The following PCDHGA1 variants were observed in gnomAD, a reference collection of about 807,000 sequenced individuals.
The protein encoded by PCDHGA1 is protocadherin gamma subfamily A, 1.
PCDHGA1 carries 32 observed loss-of-function variants against 58.0 expected under a neutral mutation model. The ratio of observed to expected loss-of-function variants is 0.55; its 90% CI spans 0.42 to 0.74. The LOEUF is 0.74. Among genes scored for constraint, PCDHGA1 ranks in the 30% least tolerant of loss-of-function variants. PCDHGA1 has a pLI of 0.00. For missense variants in PCDHGA1, 1,205 were observed against 1,182.3 expected, an observed-to-expected ratio of 1.02 and a Z score of -0.28; for synonymous variants, 498 against 501.1, an observed-to-expected ratio of 0.99 and a Z score of 0.08.
intron 1 of PCDHGA1, among the ~76,000 whole-genome samples, chr5:141,354,170 CTA>C (rs1759484226): frequency 6.6e-6 from 1 of 152,180 alleles, no homozygotes; most frequent in African/African-American, 2.4e-5. Context: ...AATCACTAAA[CTA>C]TTATCTGCAC....
chr5:141,393,844 G>A (rs1158027980), intron 1 of PCDHGA1: 1 of 1,613,966 alleles, frequency 6.2e-7, no homozygotes, highest in Admixed American at 1.7e-5. Flanking sequence ...AATGACAATA[G>A]ACCAGAAGTG....
chr5:141,474,608 T>C (rs1469173973), intron 1 of PCDHGA1, among the ~76,000 whole-genome samples: 1 of 152,268 alleles, frequency 6.6e-6, no homozygotes, highest in Non-Finnish European at 1.5e-5. Flanking sequence ...AGGTCACATA[T>C]GGCTTTTCAT....
intron 1 of PCDHGA1, chr5:141,375,764 G>C (rs746447899): frequency 1.9e-6 from 3 of 1,614,234 alleles, no homozygotes; most frequent in Non-Finnish European, 1.7e-6. Flanking sequence ...CAATGCGCCC[G>C]AGATCCTGTA....
chr5:141,414,517 G>C, intron 1 of PCDHGA1: 1 of 1,613,964 alleles, frequency 6.2e-7, no homozygotes, highest in South Asian at 1.1e-5. Context: ...ACAAGTGGCA[G>C]ATATCAATGA....
In PCDHGA1 at chr5:141,431,028, T is replaced by C. The variant is rs367575636; in HGVS notation, c.2422-63779T>C. On this transcript the variant is annotated intron_variant, in intron 1 of 3. Transcript: ENST00000517417. This position sits in a 1 kb window ranked among gnomAD's most constrained non-coding sequence, Gnocchi z 4.8. ...GGCAGCTTGGTCACGGCGGGCAGGA[T>C]AGACCGGGAGGAGCTCTGTATGGGG... The C allele has an allele frequency of 6.2e-7, 1 of 1,613,986 alleles. No homozygotes were observed. Among genetic ancestry groups the C allele is most frequent in the Admixed American group, 1.7e-5 (1 of 60,022 alleles).
At chr5:141,385,135 G>T (rs948872903) in intron 1 of PCDHGA1, 7 of 1,614,214 alleles carry the variant, frequency 4.3e-6, no homozygotes, top group African/African-American at 2.7e-5. Context: ...CATGGACGGG[G>T]TGCAGGCTTT....
At chr5:141,393,602 T>G in intron 1 of PCDHGA1, 1 of 1,613,892 alleles carries the variant, frequency 6.2e-7, no homozygotes, top group Non-Finnish European at 8.5e-7. Context: ...GGCTGCTTAC[T>G]GTAACAGCCA....
intron 1 of PCDHGA1, chr5:141,394,519 C>T: frequency 6.2e-7 from 1 of 1,614,240 alleles, no homozygotes; most frequent in Non-Finnish European, 8.5e-7. Flanking sequence ...GCCCTCCCCA[C>T]AGACGGTTCC....
rs1225473275 is a variant in PCDHGA1 at position 141,512,442 on chromosome 5, TC to T, written c.*1271del. ...GGCCCCTGCCCTCCTGAAGCCTCAG[TC>T]CTTCACCTTGCCAGGTGCCGTTTCT... is the stretch of plus-strand genomic sequence containing the variant. On this transcript the variant is annotated 3_prime_UTR_variant, in exon 4 of 4. Transcript: ENST00000517417. 1 of 152,892 alleles carries T rather than the reference TC, an allele frequency of 6.5e-6. No individual in the cohort carries two copies. Among genetic ancestry groups the T allele is most frequent in the African/African-American group, 2.4e-5 (1 of 41,466 alleles). 9.5% of individuals were successfully genotyped at this position (152,892 alleles called of 1,614,324 possible).
intron 1 of PCDHGA1, among the ~76,000 whole-genome samples, chr5:141,474,082 C>CA (rs1449032579): frequency 1.3e-5 from 2 of 152,064 alleles, no homozygotes; most frequent in African/African-American, 4.8e-5. Context: ...AAACAAAAAC[C>CA]AAAAAACAAA....
chr5:141,350,641 A>G (rs750953545), intron 1 of PCDHGA1: 1 of 1,614,024 alleles, frequency 6.2e-7, no homozygotes, highest in Non-Finnish European at 8.5e-7. Flanking sequence ...ATGACAATGC[A>G]CCACGTTTCG....
chr5:141,332,075 A>G lies in PCDHGA1; in HGVS notation c.1391A>G (p.Asn464Ser), dbSNP rs1756387670. ...QDSYSAYIPE[N>S]NPRGASIFSV... Reference sequence around the variant, plus strand: ...TCCTACTCTGCCTACATTCCCGAAAACAACCCCAGAGGAGCCTCCATCTTC... The same window carrying G: ...TCCTACTCTGCCTACATTCCCGAAAGCAACCCCAGAGGAGCCTCCATCTTC... Residue 464 changes from asparagine to serine, a missense_variant, in exon 1 of 4, where the codon AAC becomes AGC. Coordinates refer to ENST00000517417, the MANE Select transcript of PCDHGA1 (RefSeq NM_018912.3). This position sits in a 1 kb window ranked among gnomAD's most constrained non-coding sequence, Gnocchi z 4.6. 6.2e-7 allele frequency: 1 copy of G among 1,614,052 alleles called. No individual in the cohort carries two copies.
intron 1 of PCDHGA1, chr5:141,408,333 G>T (rs746692686): frequency 3.7e-6 from 6 of 1,613,924 alleles, no homozygotes; most frequent in Admixed American, 3.3e-5. Flanking sequence ...CTGGCCAAGG[G>T]CTCGGTGGTG....
intron 1 of PCDHGA1, chr5:141,419,863 G>T (rs1416582920): frequency 6.2e-7 from 1 of 1,614,108 alleles, no homozygotes; most frequent in Non-Finnish European, 8.5e-7. Flanking sequence ...CAGATAGCTT[G>T]CAAGAGGTAC....
At position 141,478,334 on chromosome 5, in the gene PCDHGA1, C is replaced by T. The variant is rs1303200872; in HGVS notation, c.2422-16473C>T. 2.5e-6 allele frequency: 4 copies of T among 1,613,944 alleles called. No individual in the cohort carries two copies. The highest frequency in any genetic ancestry group is 3.4e-6 in the Non-Finnish European group (4 of 1,180,016). ...GAGCTCACTGTACCGAACACCAGGG[C>T]CCTCCTTGCACGCGGACGCCGTGCG... On this transcript the variant is annotated intron_variant, in intron 1 of 3. Coordinates refer to ENST00000517417, the MANE Select transcript of PCDHGA1 (RefSeq NM_018912.3).
chr5:141,453,341 C>T (rs1327119655), intron 1 of PCDHGA1, among the ~76,000 whole-genome samples: 2 of 151,822 alleles, frequency 1.3e-5, no homozygotes, highest in East Asian at 3.9e-4. Context: ...CTATGTTTCC[C>T]CAGGCTGACC....
chr5:141,343,252 A>T (rs1051972229), intron 1 of PCDHGA1: 3 of 934,216 alleles, frequency 3.2e-6, no homozygotes, highest in Non-Finnish European at 3.8e-6. Context: ...ATCGAAACTA[A>T]GTTATCAGGT....
chr5:141,344,657 C>G, intron 1 of PCDHGA1: 1 of 1,613,996 alleles, frequency 6.2e-7, no homozygotes, highest in South Asian at 1.1e-5. Context: ...AAGAAATTCA[C>G]CAGCTTGTCC....
At chr5:141,340,530 T>C in intron 1 of PCDHGA1, 9 of 1,614,198 alleles carry the variant, frequency 5.6e-6, no homozygotes, top group Non-Finnish European at 7.6e-6. Flanking sequence ...CTGCGCTCCT[T>C]TGATTATGAG....
Sources: allele counts gnomAD v4.1 joint callset (sites outside exome capture counted in the v4.1 genomes callset), GRCh38; gene constraint gnomAD v4.1.1; non-coding constraint Gnocchi (gnomAD v3.1); transcripts MANE v1.5; gene names NCBI Gene and HGNC (gene_info 2026-07-23, HGNC 2026-07-21).